Variants in FRMD3 observed in about 807,000 individuals in gnomAD.
FRMD3 encodes FERM domain-containing protein 3.
Under a neutral mutation model 70.2 loss-of-function variants are expected in FRMD3, and 33 were observed. The ratio of observed to expected loss-of-function variants is 0.47; its 90% CI spans 0.36 to 0.63. The LOEUF is 0.63. Ranked by LOEUF, FRMD3 falls within the 20% of genes least tolerant of loss-of-function variation. FRMD3 has a pLI of 0.00. For synonymous variants in FRMD3, 279 were observed against 255.9 expected (o/e 1.09, Z -0.86); for missense variants, 632 against 711.4 (o/e 0.89, Z 1.27).
chr9:83,283,148 T>C (rs1430569007), intron 13 of FRMD3, among the ~76,000 whole-genome samples: 2 of 152,224 alleles, frequency 1.3e-5, no homozygotes, highest in South Asian at 2.1e-4. Context: ...CTGCAGAGCA[T>C]GCTCAGGCCT....
the FRMD3 span, among the ~76,000 whole-genome samples, chr9:83,558,148 G>T: frequency 6.6e-6 from 1 of 152,202 alleles, no homozygotes; most frequent in Non-Finnish European, 1.5e-5. Context: ...TTGCAGATTT[G>T]TTGAAGGATA....
chr9:83,583,382 A>G, the FRMD3 span, among the ~76,000 whole-genome samples: 3 of 152,158 alleles, frequency 2.0e-5, no homozygotes, highest in Non-Finnish European at 4.4e-5. Context: ...CAATACCATC[A>G]GCAATTTGTA....
chr9:83,452,551 G>A (rs1336119816), intron 1 of FRMD3, among the ~76,000 whole-genome samples: 4 of 151,860 alleles, frequency 2.6e-5, no homozygotes, highest in African/African-American at 7.2e-5. Flanking sequence ...GTGCGATCTC[G>A]GCTCACTGCA....
At chr9:83,584,050 T>C in the FRMD3 span, among the ~76,000 whole-genome samples, 59 of 152,196 alleles carry the variant, frequency 3.9e-4, no homozygotes, top group African/African-American at 1.4e-3. Context: ...AAAATAAGTC[T>C]CTTGGCCGGG....
intron 13 of FRMD3, among the ~76,000 whole-genome samples, chr9:83,264,396 A>C (rs1563981659): frequency 6.6e-6 from 1 of 152,220 alleles, no homozygotes; most frequent in Non-Finnish European, 1.5e-5. Context: ...CATGCCATTA[A>C]ACATTTGTCC....
At chr9:83,332,681 G>A (rs1344280114) in intron 6 of FRMD3, among the ~76,000 whole-genome samples, 1 of 152,174 alleles carries the variant, frequency 6.6e-6, no homozygotes, top group Non-Finnish European at 1.5e-5. Flanking sequence ...TTGAGCACCT[G>A]TTGTGTTTTA....
intron 6 of FRMD3, among the ~76,000 whole-genome samples, chr9:83,327,557 G>A (rs951689146): frequency 2.6e-5 from 4 of 152,208 alleles, no homozygotes; most frequent in African/African-American, 9.7e-5. Flanking sequence ...CACCCAGGCT[G>A]AAGGTCTGGA....
intron 1 of FRMD3, among the ~76,000 whole-genome samples, chr9:83,497,498 A>G (rs1828968053): frequency 6.6e-6 from 1 of 152,222 alleles, no homozygotes; most frequent in Non-Finnish European, 1.5e-5. Flanking sequence ...ATTCCAATGT[A>G]TTTAAATTTT....
chr9:83,524,554 A>C (rs1014563689), intron 1 of FRMD3, among the ~76,000 whole-genome samples: 1 of 152,234 alleles, frequency 6.6e-6, no homozygotes, highest in Non-Finnish European at 1.5e-5. Context: ...CTATTAAAAA[A>C]GTTGTCAGTG....
chr9:83,432,416 G>A (rs1827008890), intron 1 of FRMD3, among the ~76,000 whole-genome samples: 2 of 152,168 alleles, frequency 1.3e-5, no homozygotes, highest in Admixed American at 6.5e-5. Flanking sequence ...GGTGGCCCGG[G>A]AGGAATGTGA....
intron 3 of FRMD3, among the ~76,000 whole-genome samples, chr9:83,364,480 C>T (rs2131234297): frequency 6.6e-6 from 1 of 151,840 alleles, no homozygotes; most frequent in South Asian, 2.1e-4. Flanking sequence ...TGCTTGAACC[C>T]TGGAGGCGGA....
At chr9:83,469,902 A>C (rs1277649286) in intron 1 of FRMD3, among the ~76,000 whole-genome samples, 2 of 152,234 alleles carry the variant, frequency 1.3e-5, no homozygotes, top group South Asian at 2.1e-4. Context: ...ACTAGTTCTC[A>C]AACTCTTACG....
At chr9:83,277,856 A>G (rs1202072330) in intron 13 of FRMD3, among the ~76,000 whole-genome samples, 2 of 152,194 alleles carry the variant, frequency 1.3e-5, no homozygotes, top group Non-Finnish European at 2.9e-5. Context: ...TTTAGCTCTT[A>G]CTTTGTACCG....
chr9:83,453,520 A>C (rs56073325), intron 1 of FRMD3, among the ~76,000 whole-genome samples: 34,331 of 152,086 alleles, frequency 0.23, 3,971 homozygotes, highest in Non-Finnish European at 0.26. Flanking sequence ...AGATACAGAT[A>C]AAGTATTTCT....
chr9:83,492,270 G>A (rs904309674), intron 1 of FRMD3, among the ~76,000 whole-genome samples: 2 of 152,184 alleles, frequency 1.3e-5, no homozygotes, highest in Non-Finnish European at 1.5e-5. Context: ...CACGAGGCCT[G>A]GCTGATGCAG....
chr9:83,576,735 A>T, the FRMD3 span, among the ~76,000 whole-genome samples: 1 of 152,106 alleles, frequency 6.6e-6, no homozygotes, highest in Non-Finnish European at 1.5e-5. Flanking sequence ...AACATTGTAC[A>T]GGAGTTTATA....
At position 83,246,106 on chromosome 9, in the gene FRMD3, C is replaced by T. The variant is rs970778625; in HGVS notation, c.*1812G>A. On this transcript the variant is annotated 3_prime_UTR_variant, in exon 14 of 14. Coordinates refer to ENST00000304195, the MANE Select transcript of FRMD3 (RefSeq NM_174938.6). ...CCAAAATTAAATGTCCAGTGAAGTA[C>T]TCAGAGCTCCACTGAGTGAGTGGAA... The T allele has an allele frequency of 8.0e-5, 79 of 985,154 alleles. No individual in the cohort carries two copies. Among genetic ancestry groups the T allele is most frequent in the East Asian group, 4.6e-4 (4 of 8,788 alleles). 61.0% of individuals were successfully genotyped at this position (985,154 alleles called of 1,614,324 possible). A position where few individuals can be genotyped will look rare whatever the true frequency, so the allele number is the denominator to read the frequency against.
chr9:83,499,080 T>C (rs1176582113), intron 1 of FRMD3, among the ~76,000 whole-genome samples: 1 of 152,174 alleles, frequency 6.6e-6, no homozygotes, highest in African/African-American at 2.4e-5. Flanking sequence ...CTGGTGAAGC[T>C]GATGATCATA....
chr9:83,569,217 G>A, the FRMD3 span, among the ~76,000 whole-genome samples: 1 of 152,160 alleles, frequency 6.6e-6, no homozygotes, highest in Non-Finnish European at 1.5e-5. Flanking sequence ...CTGTGCTCAG[G>A]TACGATACTC....
Sources: gnomAD v4.1 joint callset for allele counts (sites outside exome capture counted in the v4.1 genomes callset) on GRCh38, gnomAD v4.1.1 for gene constraint, MANE v1.5 for transcripts, NCBI Gene and HGNC (gene_info 2026-07-23, HGNC 2026-07-21) for gene names.